ALKBH7: variants seen among roughly 807,000 people sequenced by gnomAD.
ALKBH7 encodes RNA demethylase ALKBH7, mitochondrial.
Under a neutral mutation model 19.3 loss-of-function variants are expected in ALKBH7, and 21 were observed. The observed-to-expected ratio is 1.09, with a 90% CI of 0.77 to 1.56. The LOEUF is 1.56. ALKBH7 is among the 40% of genes most tolerant of loss of function. The pLI, the probability that ALKBH7 is intolerant of heterozygous loss-of-function variation, is 0.00. For missense variants in ALKBH7, 354 were observed against 311.4 expected, an observed-to-expected ratio of 1.14 and a Z score of -1.03; for synonymous variants, 147 against 139.5, an observed-to-expected ratio of 1.05 and a Z score of -0.38.
chr19:6,374,897 G>A lies in ALKBH7; in HGVS notation c.590G>A (p.Arg197His), dbSNP rs755922067. ...FGERRIPRGR[R>H]ISVICRSLPE... is the part of the protein sequence containing the mutation. The stretch of plus-strand genomic sequence containing the variant: ...GAACGCCGGATTCCCCGGGGCCGGC[G>A]CATCTCCGTGATCTGCCGCTCCCTC... Residue 197 changes from arginine (R) to histidine (H), a missense_variant, in exon 4 of 4, where the codon CGC (arginine) becomes CAC (histidine). Physicochemically the swap from Arg to His is conservative, Grantham distance 29. Transcript: ENST00000245812. 46 of 1,614,032 alleles carry A rather than the reference G, an allele frequency of 2.9e-5. No homozygotes were observed. The highest frequency in any genetic ancestry group is 3.6e-5 in the Non-Finnish European group (43 of 1,179,960).
intron 1 of ALKBH7, chr19:6,373,682 C>A: frequency 8.0e-7 from 1 of 1,249,366 alleles, no homozygotes; most frequent in Non-Finnish European, 1.0e-6. Context: ...AGGGCAGAAC[C>A]ACGCTGGGGG....
rs751738262 is a variant in ALKBH7, at chr19:6,374,469, G to A, written c.383G>A (p.Cys128Tyr). ...ATCCCCACGCCTCTTTTGCAGTTCT[G>A]CGGGGCCACCATCGCCGGCCTGTCT... ...IKPHVDSIKF[C>Y]GATIAGLSLL... Residue 128 changes from cysteine (C) to tyrosine (Y), a missense_variant, in exon 3 of 4, where the codon TGC becomes TAC. Transcript: ENST00000245812. 1 of 1,613,574 alleles carries A rather than the reference G, an allele frequency of 6.2e-7. No individual in the cohort carries two copies. Among genetic ancestry groups the A allele is most frequent in the Non-Finnish European group, 8.5e-7 (1 of 1,179,832 alleles).
intron 1 of ALKBH7, chr19:6,373,322 C>A: frequency 6.9e-5 from 1 of 14,530 alleles, no homozygotes; most frequent in South Asian, 1.9e-3. Context: ...AGGGATGGGG[C>A]GGGGGCACTC....
Position 6,374,971 on chromosome 19 carries a change from T to C in ALKBH7, c.664T>C (p.Ter222ArgextTer12). The change falls in exon 4 of 4, where the codon TGA becomes CGA. Residue 222 changes from the stop codon to arginine (R), a stop_lost. Coordinates refer to ENST00000245812, the MANE Select transcript of ALKBH7 (RefSeq NM_032306.4). ...GESGQPPPAC* is the reference protein window; with the variant it reads ...GESGQPPPACR ...GTCTGGACAGCCGCCCCCAGCCTGC[T>C]GACCCCCAGCTTTCTACAGACACCA... 6.3e-7 allele frequency: 1 copy of C among 1,593,158 alleles called. No homozygotes were observed. Among genetic ancestry groups the C allele is most frequent in the Non-Finnish European group, 8.6e-7 (1 of 1,166,950 alleles).
At position 6,374,233 on chromosome 19, in the gene ALKBH7, T is replaced by G. The variant is rs1297294810; in HGVS notation, c.235T>G (p.Ser79Ala). The change falls in exon 2 of 4, where the codon TCG becomes GCG. Residue 79 changes from serine to alanine, a missense_variant. By Grantham distance (99) the Ser-to-Ala change is moderately conservative (BLOSUM62 1). Coordinates refer to ENST00000245812, the MANE Select transcript of ALKBH7 (RefSeq NM_032306.4). The stretch of plus-strand genomic sequence containing the variant: ...CCACGGCTTCCGAGAGACAGAGAAG[T>G]CGCGCTGGTCAGAAGCCAGCCGGGC... ...AIHGFRETEK[S>A]RWSEASRAIL... 4 of 1,612,956 alleles carry G rather than the reference T, an allele frequency of 2.5e-6. No individual in the cohort carries two copies. The highest frequency in any genetic ancestry group is 2.2e-5 in the South Asian group (2 of 91,048).
Position 6,373,838 on chromosome 19 carries a change from G to A in ALKBH7, c.205-365G>A, listed in dbSNP as rs549501088. On this transcript the variant is annotated intron_variant, in intron 1 of 3. Transcript: ENST00000245812. ...GCGGGACCTGGGGGATGAGGACCTT[G>A]GGGTCAGGGAGAGCACTTTTGCGAC... is the stretch of plus-strand genomic sequence containing the variant. The A allele has an allele frequency of 5.8e-5, 76 of 1,303,934 alleles. 1 individual carries two copies. In the African/African-American group the frequency reaches 1.0e-3, roughly 17 times the overall value. The allele number at this position is 1,303,934 out of a possible 1,614,324, so 80.8% of individuals were successfully genotyped here.
At chr19:6,373,783 G>T in intron 1 of ALKBH7, 1 of 1,289,218 alleles carries the variant, frequency 7.8e-7, no homozygotes, top group Non-Finnish European at 9.8e-7. Context: ...CTATGGTGGG[G>T]GCTGGGCTGA....
At chr19:6,373,877 T>G in intron 1 of ALKBH7, 11 of 1,318,054 alleles carry the variant, frequency 8.3e-6, no homozygotes, top group Non-Finnish European at 9.6e-6. Flanking sequence ...GGACCAAGGT[T>G]AGGGGCGGAA....
intron 1 of ALKBH7, 128 bp downstream of exon 1, chr19:6,373,152 AGAG>A (rs1654359284): frequency 1.6e-6 from 2 of 1,227,082 alleles, no homozygotes; most frequent in Non-Finnish European, 2.2e-6. Context: ...GAGCGGGGAC[AGAG>A]GAGACGAGCG....
intron 2 of ALKBH7, 26 bp from the exon 3 acceptor site, chr19:6,374,439 G>A (rs1191558243): frequency 6.2e-7 from 1 of 1,612,098 alleles, no homozygotes; most frequent in South Asian, 1.1e-5. Flanking sequence ...GTTAGATCCT[G>A]ACCCATCCCC....
Position 6,372,913 on chromosome 19 carries a change from C to G in ALKBH7, c.93C>G (p.Asp31Glu), listed in dbSNP as rs776862018. 6.4e-7 allele frequency: 1 copy of G among 1,557,878 alleles called. No homozygotes were observed. Among genetic ancestry groups the G allele is most frequent in the Non-Finnish European group, 8.7e-7 (1 of 1,153,978 alleles). Residue 31 changes from aspartate (D) to glutamate (E), a missense_variant, in exon 1 of 4, where the codon GAC becomes GAG. Transcript: ENST00000245812. ...SGPSVLSRLQ[D>E]AAVVRPGFLS... ...CTTCCGTGCTGAGCCGCCTGCAGGA[C>G]GCGGCCGTGGTGCGGCCTGGCTTCC... is the stretch of plus-strand genomic sequence containing the variant.
intron 1 of ALKBH7, chr19:6,373,674 G>A: frequency 1.6e-6 from 2 of 1,254,782 alleles, no homozygotes; most frequent in Non-Finnish European, 2.0e-6. Flanking sequence ...GTTTAGAGAG[G>A]GCAGAACCAC....
rs1310305351 is a variant in ALKBH7, at chr19:6,372,958, G to A, written c.138G>A (p.Glu46=). Residue 46 remains glutamate (E), a synonymous_variant, in exon 1 of 4, where the codon GAG becomes GAA. Transcript: ENST00000245812. The part of the protein sequence containing the change: ...RPGFLSTAEE[E]TLSRELEPEL... ...GCTTCCTGAGCACGGCAGAGGAGGA[G>A]ACGCTGAGCCGAGAACTGGAGCCCG... is the stretch of plus-strand genomic sequence containing the variant. 6.3e-7 allele frequency: 1 copy of A among 1,575,448 alleles called. No individual in the cohort carries two copies. The highest frequency in any genetic ancestry group is 8.6e-7 in the Non-Finnish European group (1 of 1,163,472).
chr19:6,374,809 A>T lies in ALKBH7; in HGVS notation c.504-2A>T. The T allele has an allele frequency of 6.2e-7, 1 of 1,608,908 alleles. No homozygotes were observed. Among genetic ancestry groups the T allele is most frequent in the Non-Finnish European group, 8.5e-7 (1 of 1,175,910 alleles). ...CCAGTCACAGCCTGTTTCTTCCTGC[A>T]GGGGCTCAGCCCGTTATGACTTCTC... On this transcript the variant is annotated splice_acceptor_variant, in intron 3 of 3. Coordinates refer to ENST00000245812, the MANE Select transcript of ALKBH7 (RefSeq NM_032306.4). LOFTEE classifies it high-confidence loss of function.
Position 6,374,300 on chromosome 19 carries a change from A to G in ALKBH7, c.302A>G (p.Gln101Arg). 6.2e-7 allele frequency: 1 copy of G among 1,613,238 alleles called. No individual in the cohort carries two copies. Among genetic ancestry groups the G allele is most frequent in the Non-Finnish European group, 8.5e-7 (1 of 1,179,758 alleles). Residue 101 changes from glutamine (Q) to arginine (R), a missense_variant, in exon 2 of 4, where the codon CAG (glutamine) becomes CGG (arginine). Transcript: ENST00000245812. ...CAGGCGGCCGCCTTTGGCCCCGGCC[A>G]GACCCTGCTCTCCTCCGTGCACGTG... ...RVQAAAFGPG[Q>R]TLLSSVHVLD...
intron 1 of ALKBH7, chr19:6,373,682 C>G: frequency 1.6e-6 from 2 of 1,249,366 alleles, no homozygotes; most frequent in Non-Finnish European, 2.0e-6. Context: ...AGGGCAGAAC[C>G]ACGCTGGGGG....
intron 1 of ALKBH7, chr19:6,373,562 T>C: frequency 9.9e-7 from 1 of 1,012,076 alleles, no homozygotes; most frequent in African/African-American, 1.9e-5. Flanking sequence ...GGTCAGGTCG[T>C]CGAGCGCATG....
Position 6,374,258 on chromosome 19 carries a change from C to A in ALKBH7, c.260C>A (p.Ala87Asp). 1 of 1,613,508 alleles carries A rather than the reference C, an allele frequency of 6.2e-7. No homozygotes were observed. The highest frequency in any genetic ancestry group is 8.5e-7 in the Non-Finnish European group (1 of 1,179,814). The change falls in exon 2 of 4, where the codon GCC becomes GAC. Residue 87 changes from alanine (A) to aspartate (D), a missense_variant. Transcript: ENST00000245812. ...TCGCGCTGGTCAGAAGCCAGCCGGG[C>A]CATCCTGCAGCGCGTGCAGGCGGCC... ...EKSRWSEASR[A>D]ILQRVQAAAF...
intron 1 of ALKBH7, 58 bp from the exon 2 acceptor site, chr19:6,374,145 G>T: frequency 1.3e-6 from 2 of 1,587,886 alleles, no homozygotes; most frequent in Non-Finnish European, 8.5e-7. Context: ...GCCCCTCCTT[G>T]CCTCAGTTTC....
Sources: allele counts gnomAD v4.1 joint callset, GRCh38; gene constraint gnomAD v4.1.1; transcripts MANE v1.5; gene names NCBI Gene and HGNC (gene_info 2026-07-23, HGNC 2026-07-21).